The following PTPRG variants were observed in gnomAD, a reference collection of about 807,000 sequenced individuals.
PTPRG encodes the protein protein tyrosine phosphatase receptor type G.
PTPRG carries 102 observed loss-of-function variants against 165.3 expected under a neutral mutation model. That is an observed-to-expected ratio of 0.62 (90% CI 0.53 to 0.73). PTPRG has a LOEUF of 0.73. Among genes scored for constraint, PTPRG ranks in the 30% least tolerant of loss-of-function variants. PTPRG has a pLI of 0.00. For missense variants in PTPRG, 1,866 were observed against 1,861.4 expected (o/e 1.00, Z -0.05); for synonymous variants, 675 against 669.5 (o/e 1.01, Z -0.13).
intron 4 of PTPRG, among the ~76,000 whole-genome samples, chr3:62,075,221 G>A (rs1701344659): frequency 6.6e-6 from 1 of 152,190 alleles, no homozygotes; most frequent in South Asian, 2.1e-4. Flanking sequence ...TTCGGGTGAT[G>A]CATTAAACAA....
chr3:61,764,702 A>G (rs367925906), intron 2 of PTPRG, among the ~76,000 whole-genome samples: 38 of 152,186 alleles, frequency 2.5e-4, no homozygotes, highest in African/African-American at 7.7e-4. Flanking sequence ...GAAAGGTTCA[A>G]TGTTATACCT....
intron 5 of PTPRG, among the ~76,000 whole-genome samples, chr3:62,086,444 A>T (rs183002301): frequency 1.3e-5 from 2 of 152,276 alleles, no homozygotes; most frequent in Non-Finnish European, 2.9e-5. Flanking sequence ...GTCTGAGAAA[A>T]TTGAGTTTGT....
chr3:61,959,110 A>G (rs920298131), intron 2 of PTPRG, among the ~76,000 whole-genome samples: 5 of 152,186 alleles, frequency 3.3e-5, no homozygotes, highest in Admixed American at 6.5e-5. Flanking sequence ...TCATTAAGTA[A>G]TGACTTACCA....
chr3:62,185,949 A>G (rs763950222), intron 8 of PTPRG, among the ~76,000 whole-genome samples: 7 of 152,282 alleles, frequency 4.6e-5, no homozygotes, highest in Non-Finnish European at 7.4e-5. Context: ...AAACTGATCT[A>G]TAGAATTCTG....
chr3:61,655,206 A>G (rs1316340831), intron 1 of PTPRG, among the ~76,000 whole-genome samples: 1 of 152,158 alleles, frequency 6.6e-6, no homozygotes, highest in Admixed American at 6.5e-5. Context: ...GAGTTGTACA[A>G]GGGCACAGTG....
chr3:61,676,191 C>T (rs187216761), intron 1 of PTPRG, among the ~76,000 whole-genome samples: 1 of 152,134 alleles, frequency 6.6e-6, no homozygotes, highest in Non-Finnish European at 1.5e-5. Context: ...GGCACAGTGG[C>T]TCACGCCTGT....
chr3:62,009,611 T>G (rs1452161767), intron 4 of PTPRG, among the ~76,000 whole-genome samples: 2 of 152,172 alleles, frequency 1.3e-5, no homozygotes, highest in Admixed American at 6.6e-5. Flanking sequence ...ACATTTTGGT[T>G]GGAGAGTTGT....
At chr3:61,835,872 C>T (rs1192188277) in intron 2 of PTPRG, among the ~76,000 whole-genome samples, 1 of 151,584 alleles carries the variant, frequency 6.6e-6, no homozygotes, top group Non-Finnish European at 1.5e-5. Flanking sequence ...GAAACCCCAT[C>T]TCTGTTAAAA....
At chr3:61,567,048 A>ACTTGGTGCCCAGAAATTAGCC (rs1559506062) in intron 1 of PTPRG, among the ~76,000 whole-genome samples, 1 of 152,236 alleles carries the variant, frequency 6.6e-6, no homozygotes. Flanking sequence ...CCTCTAAAGC[A>ACTTGGTGCCCAGAAATTAGCC]CTTGGTGCCC....
intron 14 of PTPRG, among the ~76,000 whole-genome samples, chr3:62,232,800 C>G (rs1051886046): frequency 3.3e-5 from 5 of 152,192 alleles, no homozygotes; most frequent in Non-Finnish European, 7.4e-5. Context: ...AGTTGGGAAC[C>G]ATCTTGTGAA....
chr3:62,067,936 C>T (rs1276886263), intron 4 of PTPRG, among the ~76,000 whole-genome samples: 1 of 152,142 alleles, frequency 6.6e-6, no homozygotes, highest in Non-Finnish European at 1.5e-5. Context: ...AAGAACACTG[C>T]TCTGGAAGCT....
chr3:61,883,955 A>C (rs1367941286), intron 2 of PTPRG, among the ~76,000 whole-genome samples: 1 of 152,128 alleles, frequency 6.6e-6, no homozygotes, highest in Non-Finnish European at 1.5e-5. Context: ...GCCTCAAGCA[A>C]TCCTGCCACC....
At chr3:61,840,583 G>T (rs1189778869) in intron 2 of PTPRG, among the ~76,000 whole-genome samples, 5 of 152,044 alleles carry the variant, frequency 3.3e-5, no homozygotes, top group South Asian at 2.1e-4. Context: ...ACTAATTTAA[G>T]CTCTAGGAAT....
intron 1 of PTPRG, among the ~76,000 whole-genome samples, chr3:61,585,225 G>C (rs1700404478): frequency 6.7e-6 from 1 of 149,304 alleles, no homozygotes; most frequent in Non-Finnish European, 1.5e-5. Flanking sequence ...AGGTAGCAGT[G>C]AGCCAAGATT....
At chr3:61,842,496 G>T (rs1161565295) in intron 2 of PTPRG, among the ~76,000 whole-genome samples, 2 of 152,048 alleles carry the variant, frequency 1.3e-5, no homozygotes, top group African/African-American at 4.8e-5. Context: ...GGCAAGAGAG[G>T]AAAGATAATA....
At chr3:61,635,457 A>G (rs1015006579) in intron 1 of PTPRG, among the ~76,000 whole-genome samples, 2 of 151,696 alleles carry the variant, frequency 1.3e-5, no homozygotes, top group African/African-American at 4.8e-5. Context: ...CCCAGGTTCA[A>G]GTGATCCTCC....
At chr3:61,855,598 T>C (rs610617) in intron 2 of PTPRG, among the ~76,000 whole-genome samples, 23,629 of 151,404 alleles carry the variant, frequency 0.16, 1,845 homozygotes, top group Middle Eastern at 0.19. Context: ...AAGTAGACTT[T>C]ATAGTCTTGT....
chr3:62,241,876 T>A (rs1205751142), intron 14 of PTPRG, among the ~76,000 whole-genome samples: 1 of 152,222 alleles, frequency 6.6e-6, no homozygotes, highest in East Asian at 1.9e-4. Context: ...TTATTTGGGC[T>A]ATTAAGTAGT....
chr3:61,594,514 C>T (rs1466535636), intron 1 of PTPRG, among the ~76,000 whole-genome samples: 1 of 152,068 alleles, frequency 6.6e-6, no homozygotes, highest in Non-Finnish European at 1.5e-5. Context: ...AGAGCAACTT[C>T]GGAGAGTTGG....
Sources: gnomAD v4.1 joint callset for allele counts (sites outside exome capture counted in the v4.1 genomes callset) on GRCh38, gnomAD v4.1.1 for gene constraint, MANE v1.5 for transcripts, NCBI Gene and HGNC (gene_info 2026-07-23, HGNC 2026-07-21) for gene names.